RNF220: variants seen among roughly 807,000 people sequenced by gnomAD.
RNF220 encodes the protein ring finger protein 220.
RNF220 carries 7 observed loss-of-function variants against 67.1 expected under a neutral mutation model. The observed-to-expected ratio is 0.10, with a 90% confidence interval of 0.06 to 0.20. RNF220 has a LOEUF of 0.20. Among genes scored for constraint, RNF220 ranks in the 10% least tolerant of loss-of-function variants. The pLI, the probability that RNF220 is intolerant of heterozygous loss-of-function variation, is 1.00. For missense variants in RNF220, 565 were observed against 740.3 expected, an observed-to-expected ratio of 0.76 and a Z score of 2.75; for synonymous variants, 270 against 283.2, an observed-to-expected ratio of 0.95 and a Z score of 0.47.
At chr1:44,582,405 A>G (rs1206510637) in intron 2 of RNF220, among the ~76,000 whole-genome samples, 26 of 152,196 alleles carry the variant, frequency 1.7e-4, no homozygotes, top group Admixed American at 1.7e-3. Context: ...ATGGGTGCCC[A>G]GTGATGCAGG....
At chr1:44,427,346 T>C (rs1233575611) in intron 2 of RNF220, among the ~76,000 whole-genome samples, 3 of 152,214 alleles carry the variant, frequency 2.0e-5, no homozygotes, top group Non-Finnish European at 4.4e-5. Flanking sequence ...TTCTGAGCAC[T>C]TCATATATGT....
At chr1:44,527,445 C>T (rs1660462169) in intron 2 of RNF220, among the ~76,000 whole-genome samples, 1 of 151,966 alleles carries the variant, frequency 6.6e-6, no homozygotes, top group African/African-American at 2.4e-5. Flanking sequence ...GAGTTCCTTG[C>T]CTTGTACCTT....
chr1:44,595,833 A>G (rs141738144), intron 2 of RNF220, among the ~76,000 whole-genome samples: 6,559 of 151,934 alleles, frequency 0.043, 485 homozygotes, highest in African/African-American at 0.15. Flanking sequence ...GCGCAATCTC[A>G]GCTCACTGCA....
At chr1:44,526,522 T>C (rs1660390180) in intron 2 of RNF220, among the ~76,000 whole-genome samples, 1 of 152,176 alleles carries the variant, frequency 6.6e-6, no homozygotes, top group Admixed American at 6.5e-5. Flanking sequence ...TCAGCACTTT[T>C]GTCCTAACTC....
chr1:44,587,787 C>T (rs1024998155), intron 2 of RNF220, among the ~76,000 whole-genome samples: 4 of 152,234 alleles, frequency 2.6e-5, no homozygotes, highest in Non-Finnish European at 5.9e-5. Flanking sequence ...CTTACAGGGG[C>T]AGTGTTAAGG....
chr1:44,435,529 C>T (rs1211538531), intron 2 of RNF220, among the ~76,000 whole-genome samples: 1 of 152,178 alleles, frequency 6.6e-6, no homozygotes, highest in Non-Finnish European at 1.5e-5. Flanking sequence ...AAGGCACCAG[C>T]GTTCCTTGGG....
intron 8 of RNF220, among the ~76,000 whole-genome samples, chr1:44,637,685 C>A (rs1256440551): frequency 6.6e-6 from 1 of 152,242 alleles, no homozygotes. Context: ...TGCCGGGATG[C>A]ACTTGCACAG....
At chr1:44,532,415 G>A (rs74756809) in intron 2 of RNF220, among the ~76,000 whole-genome samples, 22,936 of 152,084 alleles carry the variant, frequency 0.15, 2,166 homozygotes, top group Middle Eastern at 0.29. Context: ...ACTATTTATT[G>A]AGTCCCCACT....
chr1:44,607,510 G>A (rs932026420), intron 2 of RNF220, among the ~76,000 whole-genome samples: 3 of 140,672 alleles, frequency 2.1e-5, no homozygotes, highest in Admixed American at 7.3e-5. Context: ...TTTTTGAGAC[G>A]GAGTCTCGCT....
intron 3 of RNF220, among the ~76,000 whole-genome samples, chr1:44,618,180 ATT>A (rs1453727212): frequency 6.6e-6 from 1 of 152,160 alleles, no homozygotes; most frequent in Non-Finnish European, 1.5e-5. Context: ...GCAGGCTGCT[ATT>A]TCAGACACAC....
intron 2 of RNF220, among the ~76,000 whole-genome samples, chr1:44,442,955 G>A (rs1651716394): frequency 6.6e-6 from 1 of 152,106 alleles, no homozygotes; most frequent in Non-Finnish European, 1.5e-5. Flanking sequence ...TTCCACTCTT[G>A]TACCCAAGGG....
chr1:44,427,222 C>G (rs768798525), intron 2 of RNF220, among the ~76,000 whole-genome samples: 1 of 152,128 alleles, frequency 6.6e-6, no homozygotes, highest in South Asian at 2.1e-4. Flanking sequence ...TCCAGGCAGT[C>G]TGACTCCAGA....
chr1:44,647,578 G>A (rs942960061), intron 12 of RNF220, among the ~76,000 whole-genome samples: 6 of 152,168 alleles, frequency 3.9e-5, no homozygotes, highest in African/African-American at 1.2e-4. Context: ...TGGACCCTAG[G>A]GTGATGGATT....
intron 6 of RNF220, among the ~76,000 whole-genome samples, chr1:44,634,106 T>C (rs1297000504): frequency 6.6e-6 from 1 of 152,222 alleles, no homozygotes; most frequent in Non-Finnish European, 1.5e-5. Flanking sequence ...GGGGTTGCTC[T>C]GTTTTGGAGT....
At chr1:44,620,912 CTT>C (rs71036690) in intron 3 of RNF220, among the ~76,000 whole-genome samples, 43 of 126,312 alleles carry the variant, frequency 3.4e-4, no homozygotes, top group Admixed American at 5.6e-4. Context: ...TGTTGTGAAT[CTT>C]TTTTTTTTTT....
chr1:44,447,313 T>C (rs910977441), intron 2 of RNF220, among the ~76,000 whole-genome samples: 1 of 152,210 alleles, frequency 6.6e-6, no homozygotes, highest in African/African-American at 2.4e-5. Flanking sequence ...ATCTAAAAAA[T>C]AGGCACCTAC....
In RNF220 at chr1:44,461,920, C is replaced by CTTTTTTTTTTTTTTTTT. The variant is rs1445179984; in HGVS notation, c.625+49201_625+49202insTTTTTTTTTTTTTTTTT. 6.5e-4 allele frequency among the ~76,000 whole-genome samples: 77 copies of CTTTTTTTTTTTTTTTTT among 118,144 alleles called. 1 individual carries two copies. The highest frequency in any genetic ancestry group is 2.5e-3 in the African/African-American group (72 of 29,198). The allele number at this position is 118,144 out of a possible 152,430, so 77.5% of individuals were successfully genotyped here. On this transcript the variant is annotated intron_variant, in intron 2 of 14. Coordinates refer to ENST00000361799, the MANE Select transcript of RNF220 (RefSeq NM_018150.4). Reference sequence around the variant, plus strand: ...ATCATATTTTTTTCTTTTCTTTTTTCTTTGTTTTTTTTTTTTTTTTTTTTT... The same window carrying CTTTTTTTTTTTTTTTTT: ...ATCATATTTTTTTCTTTTCTTTTTTCTTTTTTTTTTTTTTTTTTTTGTTTTTTTTTTTTTTTTTTTTT...
At chr1:44,536,572 T>C (rs1190738270) in intron 2 of RNF220, among the ~76,000 whole-genome samples, 2 of 152,192 alleles carry the variant, frequency 1.3e-5, no homozygotes, top group Admixed American at 6.5e-5. Context: ...CCCTTGTCGC[T>C]TTCCTCTGGG....
chr1:44,532,956 C>T (rs1190670318), intron 2 of RNF220, among the ~76,000 whole-genome samples: 1 of 152,216 alleles, frequency 6.6e-6, no homozygotes, highest in African/African-American at 2.4e-5. Flanking sequence ...CTGCGTTGCT[C>T]TGTAGGATTG....
Sources: allele counts gnomAD v4.1 joint callset (sites outside exome capture counted in the v4.1 genomes callset), GRCh38; gene constraint gnomAD v4.1.1; transcripts MANE v1.5; gene names NCBI Gene and HGNC (gene_info 2026-07-23, HGNC 2026-07-21).